The following EYA3 variants were observed in gnomAD, a reference collection of about 807,000 sequenced individuals.
The protein encoded by EYA3 is EYA transcriptional coactivator and phosphatase 3.
In EYA3, 39 loss-of-function variants were observed where a neutral mutation model predicts 80.0. That is an observed-to-expected ratio of 0.49 (90% confidence interval 0.38 to 0.64). EYA3 has a LOEUF of 0.64. Among genes scored for constraint, EYA3 ranks in the 30% least tolerant of loss-of-function variants. The pLI, the probability that EYA3 is intolerant of heterozygous loss-of-function variation, is 0.00. For missense variants in EYA3, 523 were observed against 676.1 expected, an observed-to-expected ratio of 0.77 and a Z score of 2.51; for synonymous variants, 206 against 232.8, an observed-to-expected ratio of 0.88 and a Z score of 1.05.
intron 14 of EYA3, among the ~76,000 whole-genome samples, 186 bp from the exon 15 acceptor site, chr1:27,989,997 T>C (rs532455047): frequency 1.3e-5 from 2 of 152,216 alleles, no homozygotes; most frequent in Non-Finnish European, 2.9e-5. Context: ...TTGAATTCCA[T>C]TGTAGACAGG....
chr1:28,069,239 T>C (rs1283945902), intron 1 of EYA3, among the ~76,000 whole-genome samples: 1 of 152,038 alleles, frequency 6.6e-6, no homozygotes, highest in Non-Finnish European at 1.5e-5. Context: ...GCCTCCCAAG[T>C]AGCTGGGACT....
chr1:28,005,155 G>A (rs373870922), intron 10 of EYA3, among the ~76,000 whole-genome samples: 10 of 152,196 alleles, frequency 6.6e-5, no homozygotes, highest in African/African-American at 2.2e-4. Context: ...TACAAAATCC[G>A]GTAAGAGCTA....
chr1:28,069,887 C>A (rs1644963521), intron 1 of EYA3, among the ~76,000 whole-genome samples: 1 of 152,194 alleles, frequency 6.6e-6, no homozygotes, highest in South Asian at 2.1e-4. Context: ...AGACATTTAA[C>A]ACACATACAG....
chr1:28,041,541 A>G (rs959407435), intron 4 of EYA3, among the ~76,000 whole-genome samples: 4 of 149,960 alleles, frequency 2.7e-5, no homozygotes, highest in Admixed American at 6.7e-5. Flanking sequence ...CAACAAAGCA[A>G]GACTCCATCT....
intron 11 of EYA3, among the ~76,000 whole-genome samples, chr1:28,000,847 G>A (rs1175239447): frequency 1.3e-5 from 2 of 152,114 alleles, no homozygotes; most frequent in East Asian, 1.9e-4. Context: ...TGGACTGCTC[G>A]AGCCCAGGAG....
At chr1:28,080,863 G>C (rs1190305686) in intron 1 of EYA3, among the ~76,000 whole-genome samples, 1 of 152,034 alleles carries the variant, frequency 6.6e-6, no homozygotes, top group Non-Finnish European at 1.5e-5. Context: ...CGATTCTCCT[G>C]CCTCAGCCTC....
Position 27,971,259 on chromosome 1 carries a change from A to G in EYA3, c.*3207T>C, listed in dbSNP as rs1638713711. ...CACCTCACTCCAGATCTACTACTAGAGAGAGCCCTCACCGTGACATTACAG... is the reference window on the plus strand; with the variant it reads ...CACCTCACTCCAGATCTACTACTAGGGAGAGCCCTCACCGTGACATTACAG... On this transcript the variant is annotated 3_prime_UTR_variant, in exon 18 of 18. Transcript: ENST00000373871. 2 of 152,076 alleles carry G rather than the reference A, an allele frequency of 1.3e-5. No homozygotes were observed. The highest frequency in any genetic ancestry group is 4.8e-5 in the African/African-American group (2 of 41,416). The allele number at this position is 152,076 out of a possible 1,614,324, so 9.4% of individuals were successfully genotyped here.
intron 17 of EYA3, among the ~76,000 whole-genome samples, chr1:27,977,569 G>C (rs1335820180): frequency 1.3e-5 from 2 of 150,798 alleles, no homozygotes; most frequent in Non-Finnish European, 3.0e-5. Context: ...GGGTGACCTG[G>C]GCCAGGCGTG....
rs1223002778 is a variant in EYA3 at position 28,035,612 on chromosome 1, G to T, written c.293C>A (p.Thr98Lys). Reference sequence around the variant, plus strand: ...AGCATAGGGTTGAGTCTGCTGTAGTGTCTGGTATTGAGTCTGTCCAGGGTA... The same window carrying T: ...AGCATAGGGTTGAGTCTGCTGTAGTTTCTGGTATTGAGTCTGTCCAGGGTA... ...TAYPGQTQYQ[T>K]LQQTQPYAVY... Residue 98 changes from threonine (T) to lysine (K), a missense_variant, in exon 6 of 18, where the codon ACA becomes AAA. By Grantham distance (78) the Thr-to-Lys change is moderately conservative. Around this residue, in one of 2 missense-constraint regions of EYA3, gnomAD observed 304 missense variants for 343.3 expected, o/e 0.89. Coordinates refer to ENST00000373871, the MANE Select transcript of EYA3 (RefSeq NM_001990.4). The T allele has an allele frequency of 1.9e-6, 3 of 1,613,928 alleles. No individual in the cohort carries two copies. Among genetic ancestry groups the T allele is most frequent in the Non-Finnish European group, 2.5e-6 (3 of 1,179,908 alleles).
rs957294343 is a variant in EYA3 at position 27,974,307 on chromosome 1, G to A, written c.*159C>T. On this transcript the variant is annotated 3_prime_UTR_variant, in exon 18 of 18. Coordinates refer to ENST00000373871, the MANE Select transcript of EYA3 (RefSeq NM_001990.4). ...GCAGAGAGGGAGGGAGAGAGGAAGG[G>A]AGGGAGGGAGAGAGGGAGAGAGAGA... The A allele has an allele frequency of 8.4e-6, 4 of 475,380 alleles. No homozygotes were observed. Among genetic ancestry groups the A allele is most frequent in the African/African-American group, 7.8e-5 (4 of 50,990 alleles). 29.4% of individuals were successfully genotyped at this position (475,380 alleles called of 1,614,324 possible). A position where few individuals can be genotyped will look rare whatever the true frequency, so the allele number is the denominator to read the frequency against.
chr1:28,030,300 T>A (rs1216701933), intron 6 of EYA3, among the ~76,000 whole-genome samples: 1 of 152,202 alleles, frequency 6.6e-6, no homozygotes, highest in Admixed American at 6.5e-5. Context: ...TAATCACTTC[T>A]TAATTTTTTT....
chr1:28,053,321 G>A (rs890403461), intron 2 of EYA3, among the ~76,000 whole-genome samples: 21 of 151,900 alleles, frequency 1.4e-4, no homozygotes, highest in African/African-American at 5.1e-4. Flanking sequence ...AATAAAGCTG[G>A]TATCTTAAAA....
chr1:28,025,213 C>T (rs1381605455), intron 7 of EYA3, among the ~76,000 whole-genome samples: 1 of 152,088 alleles, frequency 6.6e-6, no homozygotes. Flanking sequence ...ATTTTTTCAT[C>T]AGAATAAATG....
At chr1:28,087,927 C>T (rs1645724004) in intron 1 of EYA3, among the ~76,000 whole-genome samples, 2 of 152,322 alleles carry the variant, frequency 1.3e-5, no homozygotes, top group South Asian at 2.1e-4. Context: ...GCAAAACTTC[C>T]CCCAGGCTGG....
rs188221077 is a variant in EYA3, at chr1:28,058,780, C to T, written c.-68-686G>A. On this transcript the variant is annotated intron_variant, in intron 1 of 17. Coordinates refer to ENST00000373871, the MANE Select transcript of EYA3 (RefSeq NM_001990.4). ...AGCAAAATCTTTACGTTCTCAGACCCTGCTCTTTCTGTCCTGATTTTCAAA... is the reference window on the plus strand; with the variant it reads ...AGCAAAATCTTTACGTTCTCAGACCTTGCTCTTTCTGTCCTGATTTTCAAA... 3.0e-3 allele frequency among the ~76,000 whole-genome samples: 463 copies of T among 152,302 alleles called. 1 individual carries two copies. Among genetic ancestry groups the T allele is most frequent in the Non-Finnish European group, 5.3e-3 (360 of 68,020 alleles).
chr1:28,059,197 AAAG>A (rs1274003468), intron 1 of EYA3, among the ~76,000 whole-genome samples: 9 of 152,228 alleles, frequency 5.9e-5, no homozygotes, highest in African/African-American at 2.2e-4. Flanking sequence ...CAGAATGTGA[AAAG>A]GAGAGAAAAC....
At chr1:28,012,653 T>C (rs1216809806) in intron 9 of EYA3, among the ~76,000 whole-genome samples, 3 of 152,296 alleles carry the variant, frequency 2.0e-5, no homozygotes, top group South Asian at 2.1e-4. Context: ...CATACTGAAA[T>C]TGTAGGTTAA....
chr1:28,082,009 G>A, intron 1 of EYA3, among the ~76,000 whole-genome samples: 1 of 151,970 alleles, frequency 6.6e-6, no homozygotes, highest in East Asian at 1.9e-4. Context: ...TTAACTAAAA[G>A]TAAAGAACAT....
At chr1:28,079,582 A>G (rs2148951698) in intron 1 of EYA3, among the ~76,000 whole-genome samples, 1 of 152,336 alleles carries the variant, frequency 6.6e-6, no homozygotes, top group South Asian at 2.1e-4. Flanking sequence ...ATAGAAGCTC[A>G]GCATACAACC....
Sources: allele counts gnomAD v4.1 joint callset (sites outside exome capture counted in the v4.1 genomes callset), GRCh38; gene constraint gnomAD v4.1.1; regional missense constraint gnomAD v4.1.1; transcripts MANE v1.5; gene names NCBI Gene and HGNC (gene_info 2026-07-23, HGNC 2026-07-21).